SMOC2: variants seen among roughly 807,000 people sequenced by gnomAD.
The protein encoded by SMOC2 is SPARC-related modular calcium-binding protein 2.
Under a neutral mutation model 61.4 loss-of-function variants are expected in SMOC2, and 39 were observed. The observed-to-expected ratio is 0.64, with a 90% CI of 0.49 to 0.83. SMOC2 has a LOEUF of 0.83. SMOC2 is among the 40% of genes least tolerant of loss of function. The pLI, the probability that SMOC2 is intolerant of heterozygous loss-of-function variation, is 0.00. For synonymous variants in SMOC2, 247 were observed against 239.9 expected, an observed-to-expected ratio of 1.03 and a Z score of -0.27; for missense variants, 556 against 592.9, an observed-to-expected ratio of 0.94 and a Z score of 0.65.
intron 7 of SMOC2, among the ~76,000 whole-genome samples, chr6:168,577,204 G>C (rs965979398): frequency 6.6e-6 from 1 of 152,052 alleles, no homozygotes; most frequent in Non-Finnish European, 1.5e-5. Context: ...GTAAGACTCT[G>C]CTGGACCAGG....
intron 8 of SMOC2, among the ~76,000 whole-genome samples, chr6:168,604,189 C>T (rs549411784): frequency 2.0e-5 from 3 of 152,332 alleles, no homozygotes; most frequent in South Asian, 4.1e-4. Context: ...CATCCAGATG[C>T]CACAGTGCTC....
chr6:168,487,782 C>G (rs541247437), intron 1 of SMOC2, among the ~76,000 whole-genome samples: 2 of 152,266 alleles, frequency 1.3e-5, no homozygotes, highest in East Asian at 3.9e-4. Flanking sequence ...GGATTACAGG[C>G]ATGAGCCACT....
intron 9 of SMOC2, among the ~76,000 whole-genome samples, chr6:168,634,684 T>A (rs1171788884): frequency 1.3e-5 from 2 of 152,216 alleles, no homozygotes; most frequent in Non-Finnish European, 2.9e-5. Context: ...CTGAGCAACA[T>A]AATTATTTTG....
intron 7 of SMOC2, among the ~76,000 whole-genome samples, chr6:168,563,270 G>A (rs574465563): frequency 1.3e-5 from 2 of 149,306 alleles, no homozygotes; most frequent in East Asian, 3.9e-4. Flanking sequence ...ATCGATGTAT[G>A]TATGTATGTA....
intron 11 of SMOC2, among the ~76,000 whole-genome samples, chr6:168,656,818 G>A (rs752098117): frequency 2.6e-5 from 4 of 152,246 alleles, no homozygotes; most frequent in Non-Finnish European, 4.4e-5. Context: ...GAAGCTTTTT[G>A]TATAGGGTCT....
chr6:168,529,875 G>A (rs964617016), intron 4 of SMOC2, among the ~76,000 whole-genome samples: 4 of 152,250 alleles, frequency 2.6e-5, no homozygotes, highest in African/African-American at 9.6e-5. Flanking sequence ...GCTGGGCAGT[G>A]TCTTGATCTG....
Position 168,526,347 on chromosome 6 carries a change from C to T in SMOC2, c.258C>T (p.Asp86=), listed in dbSNP as rs201720455. ...CCTCTGCCCTGTTCTTCCCTACAGA[C>T]GTGTCCAGGTGTGTGGCCGAAAGGA... ...LEIAYRGNCK[D]VSRCVAERKY... Residue 86 remains aspartate (D), a splice_region_variant and synonymous_variant, in exon 3 of 13, where the codon GAC becomes GAT. Coordinates refer to ENST00000356284, the MANE Select transcript of SMOC2 (RefSeq NM_001166412.2). 20 of 1,613,596 alleles carry T rather than the reference C, an allele frequency of 1.2e-5. No homozygotes were observed. Among genetic ancestry groups the T allele is most frequent in the Middle Eastern group, 1.6e-4 (1 of 6,062 alleles).
At chr6:168,614,460 AGCCTCTTCACACCTACAGCCAGCACAGG>A (rs1339132162) in intron 9 of SMOC2, among the ~76,000 whole-genome samples, 269 of 24,904 alleles carry the variant, frequency 0.011, 66 homozygotes, top group Admixed American at 0.015. Context: ...CAGCACATGG[AGCCTCTTCACACCTACAGCCAGCACAGG>A]GCCTCTTCAC....
At chr6:168,567,774 C>T (rs940591614) in intron 7 of SMOC2, among the ~76,000 whole-genome samples, 3 of 152,120 alleles carry the variant, frequency 2.0e-5, no homozygotes, top group Admixed American at 6.5e-5. Flanking sequence ...TGGTGTGTGT[C>T]GGTGTCTCAC....
chr6:168,633,735 G>A (rs1391637239), intron 9 of SMOC2, among the ~76,000 whole-genome samples: 2 of 152,162 alleles, frequency 1.3e-5, no homozygotes, highest in Admixed American at 1.3e-4. Flanking sequence ...CAGAGACACT[G>A]TCATTTTGGG....
At chr6:168,527,170 A>T (rs1783475594) in intron 3 of SMOC2, among the ~76,000 whole-genome samples, 1 of 152,094 alleles carries the variant, frequency 6.6e-6, no homozygotes, top group Admixed American at 6.5e-5. Context: ...AGAATGAGAG[A>T]GAGAGGAGCT....
intron 7 of SMOC2, among the ~76,000 whole-genome samples, chr6:168,554,356 T>C (rs1344942331): frequency 6.6e-6 from 1 of 152,242 alleles, no homozygotes; most frequent in Non-Finnish European, 1.5e-5. Context: ...CTACTACTAT[T>C]ATACAGAGCA....
chr6:168,521,457 A>G (rs539456994), intron 2 of SMOC2, among the ~76,000 whole-genome samples: 87 of 152,258 alleles, frequency 5.7e-4, no homozygotes, highest in African/African-American at 1.9e-3. Context: ...TCTCCATGAC[A>G]TATCTTGATA....
At chr6:168,607,585 G>A (rs888516511) in intron 8 of SMOC2, among the ~76,000 whole-genome samples, 3 of 147,838 alleles carry the variant, frequency 2.0e-5, no homozygotes, top group African/African-American at 7.5e-5. Flanking sequence ...CCAGAGAGTC[G>A]TTTTTTTTTT....
intron 9 of SMOC2, among the ~76,000 whole-genome samples, chr6:168,639,957 T>C (rs1348841165): frequency 6.6e-6 from 1 of 151,940 alleles, no homozygotes; most frequent in Admixed American, 6.6e-5. Flanking sequence ...GAGCTACGGG[T>C]GTGGGCTTTC....
intron 7 of SMOC2, among the ~76,000 whole-genome samples, chr6:168,597,530 A>C (rs996646098): frequency 6.6e-6 from 1 of 152,212 alleles, no homozygotes; most frequent in Non-Finnish European, 1.5e-5. Flanking sequence ...ATGTGGACGC[A>C]CCACACCAGC....
chr6:168,446,388 A>C (rs568669211), intron 1 of SMOC2, among the ~76,000 whole-genome samples: 10 of 152,194 alleles, frequency 6.6e-5, no homozygotes, highest in African/African-American at 2.2e-4. Flanking sequence ...CAAAAGATAA[A>C]CTGTTCTACA....
At chr6:168,518,334 C>A (rs1316732794) in intron 2 of SMOC2, among the ~76,000 whole-genome samples, 1 of 151,496 alleles carries the variant, frequency 6.6e-6, no homozygotes, top group African/African-American at 2.4e-5. Context: ...TGTGTGTATG[C>A]CTGAGGTGTG....
intron 7 of SMOC2, among the ~76,000 whole-genome samples, chr6:168,558,808 T>C (rs553761313): frequency 1.8e-4 from 27 of 151,454 alleles, no homozygotes; most frequent in Middle Eastern, 3.4e-3. Context: ...TGTGCGCATG[T>C]GTGTGTGTGC....
Sources: allele counts gnomAD v4.1 joint callset (sites outside exome capture counted in the v4.1 genomes callset), GRCh38; gene constraint gnomAD v4.1.1; transcripts MANE v1.5; gene names NCBI Gene and HGNC (gene_info 2026-07-23, HGNC 2026-07-21).